The following DNAH2 variants were observed in gnomAD, a reference collection of about 807,000 sequenced individuals.
The protein encoded by DNAH2 is dynein axonemal heavy chain 2.
Under a neutral mutation model 523.5 loss-of-function variants are expected in DNAH2, and 323 were observed. That is an observed-to-expected ratio of 0.62 (90% CI 0.56 to 0.68). DNAH2 has a LOEUF of 0.68. DNAH2 is among the 30% of genes least tolerant of loss of function. The pLI is 0.00. For missense variants in DNAH2, 4,907 were observed against 5,701.5 expected, an observed-to-expected ratio of 0.86 and a Z score of 4.49; for synonymous variants, 2,093 against 2,177.4, an observed-to-expected ratio of 0.96 and a Z score of 1.08.
Position 7,787,513 on chromosome 17 carries a change from T to A in DNAH2, c.6604-347T>A, listed in dbSNP as rs1229688153. The A allele has an allele frequency of 1.2e-5, 3 of 248,362 alleles. No individual in the cohort carries two copies. In the East Asian group the frequency reaches 2.9e-4, roughly 24 times the overall value. The allele number at this position is 248,362 out of a possible 1,614,324, so 15.4% of individuals were successfully genotyped here. On this transcript the variant is annotated intron_variant, in intron 42 of 85. Coordinates refer to ENST00000572933, the MANE Select transcript of DNAH2 (RefSeq NM_020877.5). ...ACTTTGGGAGGCCAAGGTGGGCAGA[T>A]CACTTGAGGTCAGGAGTTCAAGACC... is the stretch of plus-strand genomic sequence containing the variant.
chr17:7,734,123 C>T, intron 5 of DNAH2, 60 bp from the exon 6 acceptor site: 1 of 1,458,306 alleles, frequency 6.9e-7, no homozygotes, highest in Non-Finnish European at 9.3e-7. Context: ...ACCGTGATTC[C>T]TACGGGGCCA....
intron 20 of DNAH2, among the ~76,000 whole-genome samples, chr17:7,764,782 CTTTTTTT>C (rs59188289): frequency 2.0e-4 from 10 of 49,494 alleles, no homozygotes; most frequent in East Asian, 1.2e-3. Flanking sequence ...ACTGTATTTA[CTTTTTTT>C]TTTTTTTTTT....
At position 7,817,543 on chromosome 17, in the gene DNAH2, G is replaced by A; in HGVS notation, c.10021-18G>A. On this transcript the variant is annotated intron_variant, in intron 65 of 85. Transcript: ENST00000572933. ...GCTCAGCTCTTCAAGTTAAAGCATGGGGCTTTTCTCTCCCCAGATCTGGGA... is the reference window on the plus strand; with the variant it reads ...GCTCAGCTCTTCAAGTTAAAGCATGAGGCTTTTCTCTCCCCAGATCTGGGA... 6.2e-7 allele frequency: 1 copy of A among 1,613,924 alleles called. No homozygotes were observed. The highest frequency in any genetic ancestry group is 8.5e-7 in the Non-Finnish European group (1 of 1,179,960).
rs746103987 is a variant in DNAH2 at position 7,786,955 on chromosome 17, C to T, written c.6525C>T (p.Ile2175=). Residue 2175 remains isoleucine (I), a synonymous_variant, in exon 42 of 86, where the codon ATC becomes ATT. Transcript: ENST00000572933. The surrounding 1 kb of genome is among the most constrained non-coding windows in gnomAD (Gnocchi z 7.5). ...LFDGPVDTLW[I]ENMNSVMDDN... is the part of the protein sequence containing the mutation. ...ATGGCCCCGTGGACACACTGTGGAT[C>T]GAGAACATGAACTCCGTCATGGACG... 37 of 1,614,222 alleles carry T rather than the reference C, an allele frequency of 2.3e-5. No individual in the cohort carries two copies. The highest frequency in any genetic ancestry group is 6.7e-5 in the East Asian group (3 of 44,878).
rs551559878 is a variant in DNAH2, at chr17:7,766,395, C to T, written c.3589C>T (p.Arg1197Trp). ...AGTGCGGGCCATGCTGATGGCCATG[C>T]GGGAAGAGGAAAATAGTCTCCGAGC... Reference protein sequence around the residue: ...TQVRAMLMAMREEENSLRANL... With the variant: ...TQVRAMLMAMWEEENSLRANL... The change falls in exon 22 of 86, where the codon CGG (arginine) becomes TGG (tryptophan). Residue 1197 changes from arginine to tryptophan, a missense_variant. Around this residue, in one of 3 missense-constraint regions of DNAH2, gnomAD observed 2,806 missense variants for 3,190.8 expected, o/e 0.88. Transcript: ENST00000572933. 4.0e-5 allele frequency: 64 copies of T among 1,613,840 alleles called. No individual in the cohort carries two copies. The highest frequency in any genetic ancestry group is 1.6e-4 in the Middle Eastern group (1 of 6,084).
At chr17:7,823,020 C>T (rs1303286518) in intron 73 of DNAH2, among the ~76,000 whole-genome samples, 2 of 152,080 alleles carry the variant, frequency 1.3e-5, no homozygotes, top group African/African-American at 2.4e-5. Context: ...TTGGGCTGGG[C>T]GCGGTGGCTG....
chr17:7,814,185 C>CAA (rs59214536), intron 63 of DNAH2, among the ~76,000 whole-genome samples: 82 of 101,408 alleles, frequency 8.1e-4, no homozygotes, highest in African/African-American at 1.5e-3. Flanking sequence ...CACTATTCTC[C>CAA]AAAAAAAAAA....
At position 7,781,157 on chromosome 17, in the gene DNAH2, A is replaced by G; in HGVS notation, c.6119A>G (p.Asp2040Gly). 6.2e-7 allele frequency: 1 copy of G among 1,614,212 alleles called. No homozygotes were observed. Among genetic ancestry groups the G allele is most frequent in the African/African-American group, 1.3e-5 (1 of 75,068 alleles). ...CCCAACATTGAGCTGCCTGTCATTGACTATGGCAAGGTATTTGTTCCTTAA... is the reference window on the plus strand; with the variant it reads ...CCCAACATTGAGCTGCCTGTCATTGGCTATGGCAAGGTATTTGTTCCTTAA... ...LFPNIELPVI[D>G]YGKLRETVEQ... Residue 2040 changes from aspartate (D) to glycine (G), a missense_variant, in exon 39 of 86, where the codon GAC (aspartate) becomes GGC (glycine). Physicochemically the swap from Asp to Gly is moderately conservative, Grantham distance 94. Around this residue, in one of 3 missense-constraint regions of DNAH2, gnomAD observed 2,806 missense variants for 3,190.8 expected, o/e 0.88. Transcript: ENST00000572933.
chr17:7,778,476 A>G lies in DNAH2; in HGVS notation c.5541+7A>G, dbSNP rs908772839. On this transcript the variant is annotated splice_region_variant and intron_variant, in intron 35 of 85. Coordinates refer to ENST00000572933, the MANE Select transcript of DNAH2 (RefSeq NM_020877.5). ...GTACTCAGGTCTGGCCCAGGTCAGT[A>G]TCCTGCCACCCTGTGCCAGAAGCCC... 6.2e-7 allele frequency: 1 copy of G among 1,605,136 alleles called. No individual in the cohort carries two copies. The highest frequency in any genetic ancestry group is 8.5e-7 in the Non-Finnish European group (1 of 1,173,940).
rs754847604 is a variant in DNAH2, at chr17:7,818,330, G to A, written c.10406G>A (p.Arg3469His). The part of the protein sequence containing the change: ...VARIGGRLLM[R>H]IGDKEVEYNT... Reference sequence around the variant, plus strand: ...GATGCAGGTGGTCGGCTGTTGATGCGCATTGGCGATAAGGAGGTGGAATAT... The same window carrying A: ...GATGCAGGTGGTCGGCTGTTGATGCACATTGGCGATAAGGAGGTGGAATAT... The change falls in exon 69 of 86, where the codon CGC (arginine) becomes CAC (histidine). Residue 3469 changes from arginine (R) to histidine (H), a missense_variant. By Grantham distance (29) the Arg-to-His change is conservative. This residue lies in a region of DNAH2 where 1,851 missense variants were observed against 2,139.4 expected (regional missense o/e 0.87). Transcript: ENST00000572933. 11 of 1,614,112 alleles carry A rather than the reference G, an allele frequency of 6.8e-6. No individual in the cohort carries two copies. Among genetic ancestry groups the A allele is most frequent in the South Asian group, 3.3e-5 (3 of 91,076 alleles).
At chr17:7,775,012 C>A (rs768701619) in intron 29 of DNAH2, 36 bp downstream of exon 29, 13 of 1,601,352 alleles carry the variant, frequency 8.1e-6, no homozygotes, top group Non-Finnish European at 1.0e-5. Flanking sequence ...TGCTGGGTGG[C>A]GAAGGGAGGG....
At chr17:7,741,273 TCTTTCTTTCTTTCTTTCTTTCTTC>T (rs1421076346) in intron 11 of DNAH2, among the ~76,000 whole-genome samples, 2 of 52,470 alleles carry the variant, frequency 3.8e-5, no homozygotes, top group African/African-American at 2.2e-4. Context: ...TTTCTTTCTT[TCTTTCTTTCTTTCTTTCTTTCTTC>T]CTTCCTTCCC....
At chr17:7,734,998 C>T (rs550193547) in intron 7 of DNAH2, among the ~76,000 whole-genome samples, 14 of 152,058 alleles carry the variant, frequency 9.2e-5, no homozygotes, top group Admixed American at 4.6e-4. Context: ...TACTAGACAG[C>T]GTGGGAGCCA....
At position 7,796,591 on chromosome 17, in the gene DNAH2, A is replaced by C. The variant is rs1474160629; in HGVS notation, c.7802A>C (p.Gln2601Pro). ...CTGGACATGTACAACACCGTGGTAC[A>C]GCGCTTCCTGCCCACGCCCACCAAG... ...ATLDMYNTVV[Q>P]RFLPTPTKMH... Residue 2601 changes from glutamine (Q) to proline (P), a missense_variant, in exon 50 of 86, where the codon CAG (glutamine) becomes CCG (proline). This residue lies in a region of DNAH2 where 250 missense variants were observed against 371.3 expected (regional missense o/e 0.67). Transcript: ENST00000572933. The C allele has an allele frequency of 1.2e-6, 2 of 1,613,234 alleles. No individual in the cohort carries two copies. Among genetic ancestry groups the C allele is most frequent in the Non-Finnish European group, 1.7e-6 (2 of 1,179,922 alleles).
In DNAH2 at chr17:7,720,900, A is replaced by T. The variant is rs555157743; in HGVS notation, c.166+1000A>T. Among the ~76,000 whole-genome samples the T allele has an allele frequency of 1.5e-4, 23 of 152,098 alleles. 1 individual carries two copies. The highest frequency in any genetic ancestry group is 4.8e-4 in the African/African-American group (20 of 41,490). ...GAAGACAGTGAGGTTCAGTATGGAG[A>T]ATCCTCTGGGGAGGTAAGGGAAGGA... On this transcript the variant is annotated intron_variant, in intron 2 of 85. Transcript: ENST00000572933.
Position 7,807,120 on chromosome 17 carries a change from T to C in DNAH2, c.9443-30T>C. ...GACAAGGAGGATGGCATTAAGCCTC[T>C]GGCTAAGGCCCCTAATTTTCATCCC... On this transcript the variant is annotated intron_variant, in intron 61 of 85. Coordinates refer to ENST00000572933, the MANE Select transcript of DNAH2 (RefSeq NM_020877.5). This position sits in a 1 kb window ranked among gnomAD's most constrained non-coding sequence, Gnocchi z 5.6. 6.3e-7 allele frequency: 1 copy of C among 1,594,204 alleles called. No homozygotes were observed. Among genetic ancestry groups the C allele is most frequent in the Non-Finnish European group, 8.5e-7 (1 of 1,176,000 alleles).
At chr17:7,767,856 G>T (rs1166034084) in intron 22 of DNAH2, 44 bp from the exon 23 acceptor site, 3 of 1,611,852 alleles carry the variant, frequency 1.9e-6, no homozygotes, top group South Asian at 2.2e-5. Flanking sequence ...CAGGGAGGAA[G>T]AGGGCAGGTG....
In DNAH2 at chr17:7,740,800, T is replaced by C; in HGVS notation, c.1507-10T>C. ...GGGCACGTCGCCAGCCTCTTCCTCTTCTTCCCTAGGCTATCAAGCGGACTT... is the reference window on the plus strand; with the variant it reads ...GGGCACGTCGCCAGCCTCTTCCTCTCCTTCCCTAGGCTATCAAGCGGACTT... On this transcript the variant is annotated splice_polypyrimidine_tract_variant and intron_variant, in intron 10 of 85. Transcript: ENST00000572933. The C allele has an allele frequency of 1.3e-6, 2 of 1,596,110 alleles. No homozygotes were observed. The highest frequency in any genetic ancestry group is 8.6e-7 in the Non-Finnish European group (1 of 1,165,110).
intron 63 of DNAH2, among the ~76,000 whole-genome samples, chr17:7,811,097 G>A (rs2077504844): frequency 6.6e-6 from 1 of 152,036 alleles, no homozygotes; most frequent in Non-Finnish European, 1.5e-5. Context: ...TCCAAATTAT[G>A]TCTTAATCTA....
Sources: gnomAD v4.1 joint callset for allele counts (sites outside exome capture counted in the v4.1 genomes callset) on GRCh38, gnomAD v4.1.1 for gene constraint, gnomAD v4.1.1 regional missense constraint, Gnocchi (gnomAD v3.1) non-coding constraint, MANE v1.5 for transcripts, NCBI Gene and HGNC (gene_info 2026-07-23, HGNC 2026-07-21) for gene names.